IQCM: variants seen among roughly 807,000 people sequenced by gnomAD.
The protein encoded by IQCM is IQ motif containing M.
IQCM carries 45 observed loss-of-function variants against 57.6 expected under a neutral mutation model. That is an observed-to-expected ratio of 0.78 (90% CI 0.62 to 1.00). The LOEUF (loss-of-function observed/expected upper bound fraction) is 1.00, where lower values mean the gene tolerates loss of function less well. IQCM is among the 50% of genes least tolerant of loss of function. The pLI is 0.00. For synonymous variants in IQCM, 148 were observed against 158.9 expected (o/e 0.93, Z 0.51); for missense variants, 468 against 511.6 (o/e 0.91, Z 0.82).
intron 8 of IQCM, among the ~76,000 whole-genome samples, chr4:149,591,214 G>A (rs2726760): frequency 0.21 from 32,435 of 151,830 alleles, 4,340 homozygotes; most frequent in Non-Finnish European, 0.29. Flanking sequence ...AAAAGCACCT[G>A]TATAATTCAT....
chr4:149,529,182 G>A (rs1746484892), intron 12 of IQCM, among the ~76,000 whole-genome samples: 1 of 151,994 alleles, frequency 6.6e-6, no homozygotes, highest in Non-Finnish European at 1.5e-5. Flanking sequence ...TCCCGCTTCG[G>A]CCTCCCAAGT....
intron 9 of IQCM, among the ~76,000 whole-genome samples, chr4:149,578,894 G>A (rs1751909815): frequency 6.6e-6 from 1 of 151,812 alleles, no homozygotes; most frequent in Non-Finnish European, 1.5e-5. Context: ...CAGTCTGAGA[G>A]TAACCTGGAT....
chr4:149,498,623 T>A (rs1742918549), intron 12 of IQCM, among the ~76,000 whole-genome samples: 1 of 152,068 alleles, frequency 6.6e-6, no homozygotes, highest in Non-Finnish European at 1.5e-5. Context: ...AGGGAGGCCC[T>A]CCCAGGGTGC....
chr4:149,409,291 G>A (rs1168461261), intron 13 of IQCM, among the ~76,000 whole-genome samples: 1 of 152,244 alleles, frequency 6.6e-6, no homozygotes, highest in Non-Finnish European at 1.5e-5. Flanking sequence ...GAAAGGCTTA[G>A]CAGGGGTTGG....
Position 149,472,368 on chromosome 4 carries a change from A to G in IQCM, c.1229-38811T>C, listed in dbSNP as rs546913864. ...CCAAATCATGAGTGAACTCCCATTCACAATTGCTACAAAGGGAATAAAATA... is the reference window on the plus strand; with the variant it reads ...CCAAATCATGAGTGAACTCCCATTCGCAATTGCTACAAAGGGAATAAAATA... On this transcript the variant is annotated intron_variant, in intron 12 of 13. Transcript: ENST00000636793. Among the ~76,000 whole-genome samples, 188 of 152,302 alleles carry G rather than the reference A, an allele frequency of 1.2e-3. 1 individual carries two copies. Among genetic ancestry groups the G allele is most frequent in the Admixed American group, 1.3e-3 (20 of 15,294 alleles).
intron 7 of IQCM, among the ~76,000 whole-genome samples, chr4:149,664,220 CT>C (rs1430145062): frequency 6.6e-6 from 1 of 151,880 alleles, no homozygotes; most frequent in African/African-American, 2.4e-5. Context: ...TTATTGAATT[CT>C]TTGTCTATAT....
chr4:149,481,706 T>TTGTTTTG (rs1740867152), intron 12 of IQCM, among the ~76,000 whole-genome samples: 1 of 133,370 alleles, frequency 7.5e-6, no homozygotes, highest in Non-Finnish European at 1.6e-5. Context: ...GTTTTGTTTT[T>TTGTTTTG]TTTTTTTTTT....
At chr4:149,681,980 C>T (rs577487602) in intron 7 of IQCM, 138 bp downstream of exon 7, 467 of 395,220 alleles carry the variant, frequency 1.2e-3, no homozygotes, top group African/African-American at 9.1e-3. Flanking sequence ...CCAAAATCTG[C>T]TTATCTTTGA....
chr4:149,695,743 A>G (rs968109345), intron 5 of IQCM, among the ~76,000 whole-genome samples: 1 of 152,162 alleles, frequency 6.6e-6, no homozygotes, highest in African/African-American at 2.4e-5. Context: ...GAAAACAGAA[A>G]GAATGGGATA....
chr4:149,676,005 TTC>T (rs1761720889), intron 7 of IQCM, among the ~76,000 whole-genome samples: 6 of 152,056 alleles, frequency 3.9e-5, no homozygotes, highest in Admixed American at 3.9e-4. Context: ...TTAGCTTTTT[TTC>T]TTTTGAAAAA....
At chr4:149,754,311 C>G (rs956575081) in intron 2 of IQCM, among the ~76,000 whole-genome samples, 4 of 152,126 alleles carry the variant, frequency 2.6e-5, no homozygotes, top group African/African-American at 9.7e-5. Context: ...ACATTAAAGC[C>G]CCTCCCCGCC....
chr4:149,504,238 A>G (rs1466862090), intron 12 of IQCM, among the ~76,000 whole-genome samples: 1 of 152,220 alleles, frequency 6.6e-6, no homozygotes, highest in African/African-American at 2.4e-5. Flanking sequence ...GACAGTATAA[A>G]TTTAAAAAAA....
At position 149,815,620 on chromosome 4, in the gene IQCM, A is replaced by G. The variant is rs991244088; in HGVS notation, c.-107T>C. ...CTTACCTTTCTGCCTTAGTTCCAAC[A>G]AAACTTCTAGAAACAAATTCACTGC... On this transcript the variant is annotated 5_prime_UTR_variant, in exon 1 of 14. Transcript: ENST00000636793. The G allele has an allele frequency of 1.3e-5, 2 of 151,988 alleles. No individual in the cohort carries two copies. The highest frequency in any genetic ancestry group is 1.3e-4 in the Admixed American group (2 of 15,230). 9.4% of individuals were successfully genotyped at this position (151,988 alleles called of 1,614,324 possible).
intron 8 of IQCM, among the ~76,000 whole-genome samples, chr4:149,593,895 C>T (rs1222517700): frequency 6.6e-6 from 1 of 152,090 alleles, no homozygotes; most frequent in Non-Finnish European, 1.5e-5. Flanking sequence ...CGATGTTCAT[C>T]AGAGACATTG....
intron 7 of IQCM, among the ~76,000 whole-genome samples, chr4:149,638,178 G>C (rs1051963601): frequency 6.6e-6 from 1 of 152,146 alleles, no homozygotes; most frequent in Non-Finnish European, 1.5e-5. Flanking sequence ...ATGTGAGAAA[G>C]TGCCTAGCAT....
chr4:149,492,933 C>T (rs904210237), intron 12 of IQCM, among the ~76,000 whole-genome samples: 1 of 152,144 alleles, frequency 6.6e-6, no homozygotes, highest in African/African-American at 2.4e-5. Context: ...AGGAAGTCAT[C>T]TGACCCCTGA....
At chr4:149,432,114 T>G (rs147745470) in intron 13 of IQCM, among the ~76,000 whole-genome samples, 4 of 151,866 alleles carry the variant, frequency 2.6e-5, no homozygotes, top group African/African-American at 4.8e-5. Flanking sequence ...AGAATATATT[T>G]AATTTATAAG....
intron 7 of IQCM, among the ~76,000 whole-genome samples, chr4:149,645,308 ATGT>A (rs1758542245): frequency 2.6e-5 from 4 of 152,190 alleles, no homozygotes; most frequent in Non-Finnish European, 4.4e-5. Flanking sequence ...TTTTTAATTG[ATGT>A]TGTGATTATG....
intron 12 of IQCM, among the ~76,000 whole-genome samples, chr4:149,445,048 T>C (rs1035342833): frequency 6.6e-6 from 1 of 151,940 alleles, no homozygotes; most frequent in African/African-American, 2.4e-5. Flanking sequence ...TGTGACTGGA[T>C]CATAGTTACA....
Sources: gnomAD v4.1 joint callset for allele counts (sites outside exome capture counted in the v4.1 genomes callset) on GRCh38, gnomAD v4.1.1 for gene constraint, MANE v1.5 for transcripts, NCBI Gene and HGNC (gene_info 2026-07-23, HGNC 2026-07-21) for gene names.